Variants in MAPK8 observed in about 807,000 individuals in gnomAD.
The protein encoded by MAPK8 is mitogen-activated protein kinase 8, also known as JUN N-terminal kinase.
MAPK8 carries 13 observed loss-of-function variants against 52.9 expected under a neutral mutation model. The observed-to-expected ratio is 0.25, with a 90% CI of 0.16 to 0.39. The LOEUF (loss-of-function observed/expected upper bound fraction) is 0.39. Among genes scored for constraint, MAPK8 ranks in the 10% least tolerant of loss-of-function variants. MAPK8 has a pLI of 1.00. For missense variants in MAPK8, 300 were observed against 519.2 expected, an observed-to-expected ratio of 0.58 and a Z score of 4.10; for synonymous variants, 191 against 169.8, an observed-to-expected ratio of 1.12 and a Z score of -0.97.
At chr10:48,399,015 T>G (rs2042026617) in intron 1 of MAPK8, among the ~76,000 whole-genome samples, 1 of 152,212 alleles carries the variant, frequency 6.6e-6, no homozygotes, top group South Asian at 2.1e-4. Flanking sequence ...TCGATTTGTT[T>G]TTTTCTGCCT....
chr10:48,341,148 C>T (rs1845216771), intron 1 of MAPK8, among the ~76,000 whole-genome samples: 1 of 152,218 alleles, frequency 6.6e-6, no homozygotes, highest in African/African-American at 2.4e-5. Flanking sequence ...GCCTCAAGAA[C>T]TGCTGTTCTA....
At chr10:48,338,388 A>G (rs1200107046) in intron 1 of MAPK8, among the ~76,000 whole-genome samples, 1 of 151,346 alleles carries the variant, frequency 6.6e-6, no homozygotes, top group African/African-American at 2.5e-5. Context: ...GCATCTCTCC[A>G]TGATAAAACC....
chr10:48,410,029 G>A lies in MAPK8; in HGVS notation c.312-1G>A. The stretch of plus-strand genomic sequence containing the variant: ...GCTGTTCTCTTTTTTCACTCATAAA[G>A]TTACATAGTCATGGAGCTCATGGAT... On this transcript the variant is annotated splice_acceptor_variant, in intron 4 of 11. Coordinates refer to ENST00000374189, the MANE Select transcript of MAPK8 (RefSeq NM_001323329.2). LOFTEE classifies it high-confidence loss of function. 1 of 1,604,330 alleles carries A rather than the reference G, an allele frequency of 6.2e-7. No individual in the cohort carries two copies. The highest frequency in any genetic ancestry group is 8.5e-7 in the Non-Finnish European group (1 of 1,176,650).
At chr10:48,392,009 T>C (rs2041651298) in intron 1 of MAPK8, among the ~76,000 whole-genome samples, 1 of 152,164 alleles carries the variant, frequency 6.6e-6, no homozygotes, top group South Asian at 2.1e-4. Flanking sequence ...TATCCGAAAG[T>C]TCCCTGAACC....
intron 3 of MAPK8, among the ~76,000 whole-genome samples, chr10:48,406,124 A>G (rs1374616973): frequency 6.6e-6 from 1 of 152,148 alleles, no homozygotes; most frequent in Non-Finnish European, 1.5e-5. Context: ...GCTGACTCTT[A>G]AAGATGGGGT....
intron 1 of MAPK8, among the ~76,000 whole-genome samples, chr10:48,334,996 TAA>T (rs931644019): frequency 7.2e-5 from 11 of 152,188 alleles, no homozygotes; most frequent in African/African-American, 2.7e-4. Flanking sequence ...CTTCCTCACT[TAA>T]GTTTCGATTT....
At chr10:48,410,371 T>C (rs1481449922) in intron 5 of MAPK8, 2 of 397,818 alleles carry the variant, frequency 5.0e-6, no homozygotes, top group East Asian at 7.4e-5. Flanking sequence ...TGCCCTGGCA[T>C]GATACCAGTC....
intron 1 of MAPK8, among the ~76,000 whole-genome samples, chr10:48,360,439 A>AC (rs1258535095): frequency 6.6e-6 from 1 of 152,180 alleles, no homozygotes; most frequent in Non-Finnish European, 1.5e-5. Flanking sequence ...TAACTCGTAG[A>AC]TACCCTAGAA....
At chr10:48,332,065 T>A (rs1324120520) in intron 1 of MAPK8, among the ~76,000 whole-genome samples, 1 of 152,198 alleles carries the variant, frequency 6.6e-6, no homozygotes, top group Admixed American at 6.5e-5. Context: ...GTGGCTCCCA[T>A]TGTTTGAATC....
chr10:48,329,388 T>C (rs1188503142), intron 1 of MAPK8, among the ~76,000 whole-genome samples: 1 of 152,128 alleles, frequency 6.6e-6, no homozygotes, highest in Non-Finnish European at 1.5e-5. Context: ...CGTTTTGAGA[T>C]CCCTAATTGG....
intron 5 of MAPK8, 98 bp from the exon 6 acceptor site, chr10:48,420,057 A>T: frequency 1.1e-6 from 1 of 879,944 alleles, no homozygotes; most frequent in Non-Finnish European, 1.7e-6. Context: ...ACGAACAATT[A>T]ACATGAATGT....
intron 11 of MAPK8, 147 bp from the exon 12 acceptor site, chr10:48,434,737 G>A: frequency 1.9e-6 from 1 of 529,298 alleles, no homozygotes; most frequent in Non-Finnish European, 3.2e-6. Flanking sequence ...TTTTAAGTTA[G>A]TGTGTTGGAT....
At chr10:48,384,902 G>A (rs1170769545) in intron 1 of MAPK8, among the ~76,000 whole-genome samples, 2 of 152,200 alleles carry the variant, frequency 1.3e-5, no homozygotes, top group Admixed American at 6.5e-5. Flanking sequence ...TTGGGCCAAG[G>A]TTGAGGACTG....
chr10:48,413,959 C>G (rs955810873), intron 5 of MAPK8, among the ~76,000 whole-genome samples: 4 of 150,272 alleles, frequency 2.7e-5, no homozygotes, highest in Admixed American at 1.3e-4. Context: ...GTGTACCACT[C>G]AGTGTTTATT....
chr10:48,336,917 A>G (rs1483253074), intron 1 of MAPK8, among the ~76,000 whole-genome samples: 1 of 152,210 alleles, frequency 6.6e-6, no homozygotes, highest in Non-Finnish European at 1.5e-5. Context: ...ATTTAATTCA[A>G]CAAGATTTGT....
chr10:48,310,797 C>A (rs933160703), intron 1 of MAPK8, among the ~76,000 whole-genome samples: 3 of 151,758 alleles, frequency 2.0e-5, no homozygotes, highest in South Asian at 4.2e-4. Flanking sequence ...AGAGAGGAGA[C>A]CCCTTTTTGG....
chr10:48,400,862 A>AT (rs2042124225), intron 1 of MAPK8, among the ~76,000 whole-genome samples: 1 of 152,222 alleles, frequency 6.6e-6, no homozygotes, highest in Non-Finnish European at 1.5e-5. Flanking sequence ...AAGTGTCTTG[A>AT]TTTTTAATCC....
chr10:48,399,392 G>C (rs961787164), intron 1 of MAPK8, among the ~76,000 whole-genome samples: 13 of 152,182 alleles, frequency 8.5e-5, no homozygotes, highest in African/African-American at 3.1e-4. Context: ...TCTGCCAAGG[G>C]TACTACTAGC....
In MAPK8 at chr10:48,321,874, G is replaced by A. The variant is rs116719454; in HGVS notation, c.-50+15053G>A. Reference sequence around the variant, plus strand: ...TATGTGTCTATTCTTAGGTTCCCACGGTGTGTTGATTACTGTAGTTCAGAA... The same window carrying A: ...TATGTGTCTATTCTTAGGTTCCCACAGTGTGTTGATTACTGTAGTTCAGAA... On this transcript the variant is annotated intron_variant, in intron 1 of 11. Transcript: ENST00000374189. 9.2e-3 allele frequency among the ~76,000 whole-genome samples: 1,398 copies of A among 152,164 alleles called. 15 individuals are homozygous for A. Among genetic ancestry groups the A allele is most frequent in the African/African-American group, 0.032 (1,343 of 41,510 alleles).
Sources: gnomAD v4.1 joint callset for allele counts (sites outside exome capture counted in the v4.1 genomes callset) on GRCh38, gnomAD v4.1.1 for gene constraint, MANE v1.5 for transcripts, NCBI Gene and HGNC (gene_info 2026-07-23, HGNC 2026-07-21) for gene names.